Variants in IQCM observed in about 807,000 individuals in gnomAD.
The protein encoded by IQCM is IQ domain-containing protein M.
A neutral mutation model predicts 57.6 loss-of-function variants in IQCM; 45 were observed. The ratio of observed to expected loss-of-function variants is 0.78; its 90% CI spans 0.62 to 1.00. The LOEUF (loss-of-function observed/expected upper bound fraction) is 1.00. IQCM is among the 50% of genes least tolerant of loss of function. The probability of loss-of-function intolerance (pLI) is 0.00; values close to 1 mark genes in which losing one functional copy is unlikely to be tolerated. For missense variants in IQCM, 468 were observed against 511.6 expected, an observed-to-expected ratio of 0.91 and a Z score of 0.82; for synonymous variants, 148 against 158.9, an observed-to-expected ratio of 0.93 and a Z score of 0.51.
At chr4:149,640,171 A>G (rs1758064560) in intron 7 of IQCM, among the ~76,000 whole-genome samples, 1 of 152,212 alleles carries the variant, frequency 6.6e-6, no homozygotes, top group South Asian at 2.1e-4. Flanking sequence ...GTGGGTACAT[A>G]GTAGGCATAT....
chr4:149,802,007 A>AAT (rs35851284), intron 2 of IQCM, among the ~76,000 whole-genome samples: 20,083 of 151,518 alleles, frequency 0.13, 1,401 homozygotes, highest in East Asian at 0.2. Context: ...GTACCCTATT[A>AAT]ATATATATAT....
At chr4:149,615,571 T>C (rs1298678444) in intron 8 of IQCM, among the ~76,000 whole-genome samples, 1 of 152,156 alleles carries the variant, frequency 6.6e-6, no homozygotes, top group Non-Finnish European at 1.5e-5. Flanking sequence ...TAAAGACATA[T>C]AGCACTATTG....
chr4:149,496,295 C>T (rs1361471521), intron 12 of IQCM, among the ~76,000 whole-genome samples: 1 of 152,034 alleles, frequency 6.6e-6, no homozygotes, highest in African/African-American at 2.4e-5. Context: ...CTATGGTAGA[C>T]AGAATAATAG....
chr4:149,792,219 T>C (rs923859534), intron 2 of IQCM, among the ~76,000 whole-genome samples: 1 of 152,168 alleles, frequency 6.6e-6, no homozygotes, highest in African/African-American at 2.4e-5. Flanking sequence ...ATATTTATAT[T>C]CAACGAAAAG....
intron 7 of IQCM, among the ~76,000 whole-genome samples, chr4:149,631,045 C>T (rs937284115): frequency 1.3e-5 from 2 of 152,192 alleles, no homozygotes; most frequent in Admixed American, 6.5e-5. Context: ...ATCTGCTTTC[C>T]TTCCAGAAAT....
At chr4:149,686,568 G>T in intron 5 of IQCM, 100 bp from the exon 6 acceptor site, 1 of 437,592 alleles carries the variant, frequency 2.3e-6, no homozygotes, top group Non-Finnish European at 3.8e-6. Context: ...AATAACAAGA[G>T]CTATAATCTT....
chr4:149,633,497 A>G (rs1369317151), intron 7 of IQCM, among the ~76,000 whole-genome samples: 1 of 152,188 alleles, frequency 6.6e-6, no homozygotes, highest in Non-Finnish European at 1.5e-5. Context: ...ATTACTAATA[A>G]TTGAAAATTG....
At chr4:149,396,222 G>C (rs981187954) in intron 13 of IQCM, among the ~76,000 whole-genome samples, 2 of 151,518 alleles carry the variant, frequency 1.3e-5, no homozygotes, top group Non-Finnish European at 2.9e-5. Context: ...AATTGTTATA[G>C]TTGTCCCCCA....
chr4:149,778,734 A>G (rs1167590928), intron 2 of IQCM, among the ~76,000 whole-genome samples: 1 of 152,162 alleles, frequency 6.6e-6, no homozygotes, highest in African/African-American at 2.4e-5. Context: ...ATACACAAAT[A>G]TGAAAACAAA....
At chr4:149,628,142 C>G (rs1425332910) in intron 7 of IQCM, among the ~76,000 whole-genome samples, 2 of 152,002 alleles carry the variant, frequency 1.3e-5, no homozygotes. Context: ...GTTACAGCAG[C>G]CATAGGGAAA....
At chr4:149,358,921 GAGAA>G (rs1449971180) in intron 13 of IQCM, among the ~76,000 whole-genome samples, 1 of 80,954 alleles carries the variant, frequency 1.2e-5, no homozygotes, top group Non-Finnish European at 2.9e-5. Context: ...GAGTGGAAAT[GAGAA>G]AGAGAGAGAG....
chr4:149,487,727 A>T (rs1379703017), intron 12 of IQCM, among the ~76,000 whole-genome samples: 1 of 152,118 alleles, frequency 6.6e-6, no homozygotes, highest in African/African-American at 2.4e-5. Flanking sequence ...CACTGAGTTC[A>T]TTGTAAAATC....
chr4:149,609,043 A>G (rs563547097), intron 8 of IQCM, among the ~76,000 whole-genome samples: 1 of 151,950 alleles, frequency 6.6e-6, no homozygotes, highest in East Asian at 1.9e-4. Flanking sequence ...AAATAAAATG[A>G]GAGATGAAAA....
At chr4:149,473,891 C>T (rs531078265) in intron 12 of IQCM, among the ~76,000 whole-genome samples, 25 of 152,198 alleles carry the variant, frequency 1.6e-4, no homozygotes, top group Admixed American at 3.3e-4. Flanking sequence ...AACCAAACAC[C>T]GCATGTTCTC....
chr4:149,540,688 T>G (rs1235741489), intron 12 of IQCM, among the ~76,000 whole-genome samples: 4 of 152,136 alleles, frequency 2.6e-5, no homozygotes, highest in African/African-American at 9.7e-5. Flanking sequence ...CCTATTTTTA[T>G]TCTATTAATG....
intron 12 of IQCM, among the ~76,000 whole-genome samples, chr4:149,501,057 A>C (rs2149792042): frequency 6.6e-6 from 1 of 152,314 alleles, no homozygotes; most frequent in East Asian, 1.9e-4. Flanking sequence ...TTTGGCATGA[A>C]ATACTTAAAG....
intron 13 of IQCM, among the ~76,000 whole-genome samples, chr4:149,368,779 T>C (rs1370365391): frequency 2.5e-5 from 3 of 118,522 alleles, no homozygotes; most frequent in Non-Finnish European, 3.7e-5. Flanking sequence ...TACATATATA[T>C]ACATGTATAT....
intron 12 of IQCM, among the ~76,000 whole-genome samples, chr4:149,493,068 A>C (rs1742266229): frequency 6.6e-6 from 1 of 152,246 alleles, no homozygotes; most frequent in African/African-American, 2.4e-5. Context: ...AATCAGACTC[A>C]TGGGGAATAT....
chr4:149,358,826 T>A (rs1236213636), intron 13 of IQCM, among the ~76,000 whole-genome samples: 1 of 78,916 alleles, frequency 1.3e-5, no homozygotes, highest in Admixed American at 1.2e-4. Context: ...AGGGAGTGTA[T>A]CATGACAGCA....
Sources: allele counts gnomAD v4.1 joint callset (sites outside exome capture counted in the v4.1 genomes callset), GRCh38; gene constraint gnomAD v4.1.1; transcripts MANE v1.5; gene names NCBI Gene and HGNC (gene_info 2026-07-23, HGNC 2026-07-21).